The following SPOCK3 variants were observed in gnomAD, a reference collection of about 807,000 sequenced individuals.
SPOCK3 encodes the protein testican-3.
A neutral mutation model predicts 56.6 loss-of-function variants in SPOCK3; 30 were observed. The ratio of observed to expected loss-of-function variants is 0.53; its 90% confidence interval spans 0.40 to 0.72. The LOEUF is 0.72. SPOCK3 is among the 30% of genes least tolerant of loss of function. The pLI is 0.00. For synonymous variants in SPOCK3, 196 were observed against 183.3 expected (o/e 1.07, Z -0.56); for missense variants, 527 against 530.0 (o/e 0.99, Z 0.06).
chr4:167,195,404 G>A (rs1428236534), intron 2 of SPOCK3, among the ~76,000 whole-genome samples: 1 of 152,210 alleles, frequency 6.6e-6, no homozygotes. Flanking sequence ...GTGTTCCCAA[G>A]AAGGTAATTA....
chr4:166,786,392 A>G (rs533374871), intron 7 of SPOCK3, among the ~76,000 whole-genome samples: 1 of 152,302 alleles, frequency 6.6e-6, no homozygotes, highest in Non-Finnish European at 1.5e-5. Flanking sequence ...TAGGAAACAA[A>G]TGAAGTTAGA....
intron 2 of SPOCK3, among the ~76,000 whole-genome samples, chr4:167,168,359 G>A (rs551937275): frequency 6.6e-6 from 1 of 152,216 alleles, no homozygotes; most frequent in East Asian, 1.9e-4. Context: ...AGACTTGGAG[G>A]GCTCAGAAGG....
intron 6 of SPOCK3, among the ~76,000 whole-genome samples, chr4:166,831,721 A>G (rs1746079211): frequency 6.8e-6 from 1 of 146,628 alleles, no homozygotes; most frequent in Non-Finnish European, 1.5e-5. Flanking sequence ...TTTTTTTTCG[A>G]AAACATCTTT....
At chr4:167,041,795 T>A (rs1580097980) in intron 3 of SPOCK3, among the ~76,000 whole-genome samples, 1 of 152,262 alleles carries the variant, frequency 6.6e-6, no homozygotes, top group East Asian at 1.9e-4. Flanking sequence ...CTTAAAGTGA[T>A]GGACATGGTA....
At chr4:167,152,621 C>T (rs749002876) in intron 2 of SPOCK3, among the ~76,000 whole-genome samples, 1 of 152,152 alleles carries the variant, frequency 6.6e-6, no homozygotes, top group Non-Finnish European at 1.5e-5. Context: ...TAAATAATCA[C>T]TGTGCACTTA....
chr4:167,096,955 G>A (rs1436576514), intron 2 of SPOCK3, among the ~76,000 whole-genome samples: 1 of 151,708 alleles, frequency 6.6e-6, no homozygotes, highest in African/African-American at 2.4e-5. Flanking sequence ...GTACATACAT[G>A]TTTAGTATTG....
At chr4:166,746,722 T>C (rs915262619) in intron 8 of SPOCK3, among the ~76,000 whole-genome samples, 1 of 151,888 alleles carries the variant, frequency 6.6e-6, no homozygotes, top group Non-Finnish European at 1.5e-5. Flanking sequence ...ATCAACAAAA[T>C]TGATAGACTG....
At chr4:167,215,129 G>A (rs866721447) in intron 2 of SPOCK3, among the ~76,000 whole-genome samples, 1 of 151,864 alleles carries the variant, frequency 6.6e-6, no homozygotes, top group South Asian at 2.1e-4. Flanking sequence ...TATGTGCTCC[G>A]TAACTACCAG....
intron 5 of SPOCK3, among the ~76,000 whole-genome samples, chr4:166,902,103 C>A (rs10025945): frequency 0.079 from 11,960 of 152,124 alleles, 548 homozygotes; most frequent in Non-Finnish European, 0.1. Flanking sequence ...ATGTAGCAAA[C>A]GGACTTAGAA....
chr4:166,918,743 T>G (rs1738167397), intron 4 of SPOCK3, among the ~76,000 whole-genome samples: 2 of 152,188 alleles, frequency 1.3e-5, no homozygotes, highest in Non-Finnish European at 2.9e-5. Context: ...CTGATACAGT[T>G]TGCATGTTTT....
chr4:166,948,855 C>T (rs912083169), intron 4 of SPOCK3, among the ~76,000 whole-genome samples: 4 of 151,740 alleles, frequency 2.6e-5, no homozygotes, highest in Non-Finnish European at 4.4e-5. Context: ...ATCTTTGTGG[C>T]GTTCTCTGTA....
chr4:166,899,515 T>TTTTA (rs1735806419), intron 5 of SPOCK3, among the ~76,000 whole-genome samples: 1 of 146,076 alleles, frequency 6.8e-6, no homozygotes, highest in South Asian at 2.2e-4. Flanking sequence ...TTTCTTTTTT[T>TTTTA]TTTTTTTTTG....
At chr4:167,023,096 CACTT>C (rs1052929858) in intron 3 of SPOCK3, among the ~76,000 whole-genome samples, 4 of 151,636 alleles carry the variant, frequency 2.6e-5, no homozygotes, top group Admixed American at 6.6e-5. Flanking sequence ...AATGGTTTTT[CACTT>C]AGTCAATGCG....
intron 4 of SPOCK3, among the ~76,000 whole-genome samples, chr4:166,952,614 C>A (rs182026575): frequency 6.6e-6 from 1 of 152,144 alleles, no homozygotes; most frequent in Non-Finnish European, 1.5e-5. Context: ...AAAAAAGAGC[C>A]CGCATCGTCA....
At chr4:166,741,912 G>T in intron 9 of SPOCK3, 85 bp downstream of exon 9, 1 of 971,958 alleles carries the variant, frequency 1.0e-6, no homozygotes, top group Non-Finnish European at 1.6e-6. Context: ...TATCTTTGTT[G>T]GATTAATATT....
At chr4:167,113,080 T>A (rs1010670343) in intron 2 of SPOCK3, among the ~76,000 whole-genome samples, 5 of 152,208 alleles carry the variant, frequency 3.3e-5, no homozygotes, top group Non-Finnish European at 7.4e-5. Flanking sequence ...GGTCAACATG[T>A]CAAGAGAAGA....
At chr4:167,214,762 C>T (rs1361103300) in intron 2 of SPOCK3, among the ~76,000 whole-genome samples, 2 of 151,904 alleles carry the variant, frequency 1.3e-5, no homozygotes, top group African/African-American at 4.8e-5. Flanking sequence ...AAATGTTTCT[C>T]ATTTTTAGAA....
At chr4:167,224,542 T>C (rs1403681389) in intron 2 of SPOCK3, among the ~76,000 whole-genome samples, 1 of 152,238 alleles carries the variant, frequency 6.6e-6, no homozygotes, top group Non-Finnish European at 1.5e-5. Context: ...TAGCCATGTA[T>C]ACCAAATGTA....
intron 3 of SPOCK3, among the ~76,000 whole-genome samples, chr4:167,033,181 T>C (rs1366709265): frequency 6.6e-6 from 1 of 151,798 alleles, no homozygotes; most frequent in African/African-American, 2.4e-5. Context: ...CCGAGCATTA[T>C]TATATGACTT....
Sources: gnomAD v4.1 joint callset for allele counts (sites outside exome capture counted in the v4.1 genomes callset) on GRCh38, gnomAD v4.1.1 for gene constraint, MANE v1.5 for transcripts, NCBI Gene and HGNC (gene_info 2026-07-23, HGNC 2026-07-21) for gene names.